CACNA1B: variants seen among roughly 807,000 people sequenced by gnomAD.
CACNA1B encodes voltage-dependent N-type calcium channel subunit alpha-1B.
Under a neutral mutation model 247.2 loss-of-function variants are expected in CACNA1B, and 70 were observed. The ratio of observed to expected loss-of-function variants is 0.28; its 90% CI spans 0.23 to 0.35. The LOEUF is 0.35. Among genes scored for constraint, CACNA1B ranks in the 10% least tolerant of loss-of-function variants. CACNA1B has a pLI of 1.00. For missense variants in CACNA1B, 2,367 were observed against 3,197.4 expected (o/e 0.74, Z 6.26); for synonymous variants, 1,231 against 1,294.4 (o/e 0.95, Z 1.05).
chr9:137,961,539 C>T (rs895843149), intron 10 of CACNA1B, among the ~76,000 whole-genome samples: 2 of 151,972 alleles, frequency 1.3e-5, no homozygotes, highest in East Asian at 3.9e-4. Context: ...GAGGTATGTC[C>T]CTTTAATATC....
At position 137,881,384 on chromosome 9, in the gene CACNA1B, G is replaced by T. The variant is rs780996403; in HGVS notation, c.391-1360G>T. Among the ~76,000 whole-genome samples, 1 of 152,244 alleles carries T rather than the reference G, an allele frequency of 6.6e-6. No individual in the cohort carries two copies. On this transcript the variant is annotated intron_variant, in intron 2 of 46. Coordinates refer to ENST00000371372, the MANE Select transcript of CACNA1B (RefSeq NM_000718.4). This position sits in a 1 kb window ranked among gnomAD's most constrained non-coding sequence, Gnocchi z 4.3. ...GCTGAGTAAGGTGGGAGTCAGATGCGGAGAGCCCTCGAGAGCCTGGCTTCC... is the reference window on the plus strand; with the variant it reads ...GCTGAGTAAGGTGGGAGTCAGATGCTGAGAGCCCTCGAGAGCCTGGCTTCC...
At chr9:138,003,070 A>G (rs1958599783) in intron 15 of CACNA1B, among the ~76,000 whole-genome samples, 1 of 151,650 alleles carries the variant, frequency 6.6e-6, no homozygotes, top group Admixed American at 6.6e-5. Flanking sequence ...TGCTGGGATT[A>G]CAAACGTGAG....
At position 138,077,067 on chromosome 9, in the gene CACNA1B, T is replaced by G. The variant is rs74460685; in HGVS notation, c.4950-1047T>G. Among the ~76,000 whole-genome samples, 364 of 152,284 alleles carry G rather than the reference T, an allele frequency of 2.4e-3. 2 individuals are homozygous for G. Among genetic ancestry groups the G allele is most frequent in the African/African-American group, 8.5e-3 (351 of 41,528 alleles). ...GAAGTCAGCCTTAGTTTTGAGGCCT[T>G]TGGTCTCACAGCTTTCTGTTTCTCC... is the stretch of plus-strand genomic sequence containing the variant. On this transcript the variant is annotated intron_variant, in intron 35 of 46. Transcript: ENST00000371372.
At chr9:137,943,287 A>G (rs1450195201) in intron 6 of CACNA1B, among the ~76,000 whole-genome samples, 1 of 152,194 alleles carries the variant, frequency 6.6e-6, no homozygotes, top group African/African-American at 2.4e-5. Context: ...GTTTCCTGAC[A>G]TAGCTTAGCT....
At chr9:137,935,028 A>G (rs1459573214) in intron 6 of CACNA1B, among the ~76,000 whole-genome samples, 1 of 152,262 alleles carries the variant, frequency 6.6e-6, no homozygotes, top group Non-Finnish European at 1.5e-5. Context: ...TATTAAGCTA[A>G]TCAGAAGGCA....
intron 36 of CACNA1B, among the ~76,000 whole-genome samples, chr9:138,083,413 C>A (rs1348846987): frequency 6.6e-6 from 1 of 151,050 alleles, no homozygotes; most frequent in Non-Finnish European, 1.5e-5. Flanking sequence ...TGAAGTGGTA[C>A]CCTGCCTCCT....
Position 137,893,395 on chromosome 9 carries a change from A to C in CACNA1B, c.530+10512A>C, listed in dbSNP as rs7035197. Among the ~76,000 whole-genome samples the C allele has an allele frequency of 5.9e-3, 887 of 150,730 alleles. 11 individuals carry two copies. Among genetic ancestry groups the C allele is most frequent in the African/African-American group, 0.021 (853 of 41,090 alleles). Reference sequence around the variant, plus strand: ...ACTGGGTGCGGTGGCTCATGCCTGTAATCCCAGCACTTTGGGAGGCTGAGG... The same window carrying C: ...ACTGGGTGCGGTGGCTCATGCCTGTCATCCCAGCACTTTGGGAGGCTGAGG... On this transcript the variant is annotated intron_variant, in intron 3 of 46. Coordinates refer to ENST00000371372, the MANE Select transcript of CACNA1B (RefSeq NM_000718.4).
Position 138,049,972 on chromosome 9 carries a change from G to A in CACNA1B, c.3710+657G>A, listed in dbSNP as rs1286112385. On this transcript the variant is annotated intron_variant, in intron 24 of 46. Transcript: ENST00000371372. ...GAGACAAGGAAGACCCCTAGTGGAC[G>A]ACAGACATGAGGGAGGGTCCACATC... is the stretch of plus-strand genomic sequence containing the variant. 7 of 768,192 alleles carry A rather than the reference G, an allele frequency of 9.1e-6. No individual in the cohort carries two copies. The Admixed American group carries it at 1.6e-4, about 18-fold the overall frequency. The allele number at this position is 768,192 out of a possible 1,614,324, so 47.6% of individuals were successfully genotyped here. A position where few individuals can be genotyped will look rare whatever the true frequency, so the allele number is the denominator to read the frequency against.
At chr9:137,910,516 G>A (rs1010868642) in intron 3 of CACNA1B, among the ~76,000 whole-genome samples, 1 of 152,124 alleles carries the variant, frequency 6.6e-6, no homozygotes, top group Non-Finnish European at 1.5e-5. Flanking sequence ...GTTACATTGT[G>A]ATATATAATG....
rs919615000 is a variant in CACNA1B, at chr9:137,917,809, G to A, written c.966+378G>A. ...GCCCTCTGGGAAGTGTTTTATTCCT[G>A]TTGACTCCTCTCAGGAACCTGTTGC... is the stretch of plus-strand genomic sequence containing the variant. On this transcript the variant is annotated intron_variant, in intron 6 of 46. Transcript: ENST00000371372. This position sits in a 1 kb window ranked among gnomAD's most constrained non-coding sequence, Gnocchi z 5.5. Among the ~76,000 whole-genome samples, 4 of 152,248 alleles carry A rather than the reference G, an allele frequency of 2.6e-5. No homozygotes were observed. Among genetic ancestry groups the A allele is most frequent in the Non-Finnish European group, 5.9e-5 (4 of 68,040 alleles).
At chr9:138,098,253 A>G (rs537129442) in intron 37 of CACNA1B, among the ~76,000 whole-genome samples, 2 of 152,292 alleles carry the variant, frequency 1.3e-5, no homozygotes, top group South Asian at 2.1e-4. Context: ...GCTCAGGCAC[A>G]TTCACACAGG....
chr9:138,091,858 C>T (rs757066603), intron 36 of CACNA1B, among the ~76,000 whole-genome samples: 39 of 152,134 alleles, frequency 2.6e-4, no homozygotes, highest in African/African-American at 8.0e-4. Context: ...TCCTAAGTGT[C>T]GGCTGGTCTG....
chr9:138,047,031 A>G lies in CACNA1B; in HGVS notation c.3541A>G (p.Asn1181Asp). Residue 1181 changes from asparagine to aspartate, a missense_variant and splice_region_variant, in exon 22 of 47, where the codon AAC becomes GAC. By Grantham distance (23) the Asn-to-Asp change is conservative. Around this residue, in one of 12 missense-constraint regions of CACNA1B, gnomAD observed 436 missense variants for 679.5 expected, o/e 0.64. Transcript: ENST00000371372. ...DPVRTDSPRN[N>D]ALKYLDYIFT... ...AGTGCGCACAGACTCGCCCAGGAAC[A>G]ACGTGAGTGGCCCGGATGGCCGGGT... 1.9e-6 allele frequency: 3 copies of G among 1,607,880 alleles called. No homozygotes were observed. Among genetic ancestry groups the G allele is most frequent in the Non-Finnish European group, 2.6e-6 (3 of 1,175,864 alleles).
intron 12 of CACNA1B, among the ~76,000 whole-genome samples, chr9:137,981,368 A>G (rs1958291468): frequency 6.6e-6 from 1 of 151,864 alleles, no homozygotes; most frequent in Non-Finnish European, 1.5e-5. Flanking sequence ...TCCTTGGTTT[A>G]TCTCTCTCCT....
chr9:138,005,582 C>G (rs911692838), intron 15 of CACNA1B, among the ~76,000 whole-genome samples: 10 of 152,164 alleles, frequency 6.6e-5, no homozygotes, highest in Non-Finnish European at 1.5e-4. Flanking sequence ...AATATATTGT[C>G]TATTTCAAAA....
intron 3 of CACNA1B, among the ~76,000 whole-genome samples, chr9:137,896,155 C>T (rs938272572): frequency 2.7e-5 from 4 of 148,380 alleles, no homozygotes; most frequent in Admixed American, 1.4e-4. Flanking sequence ...AGGAGAATGG[C>T]GTGAACCTGG....
At chr9:137,904,110 G>T (rs1373441143) in intron 3 of CACNA1B, among the ~76,000 whole-genome samples, 1 of 152,062 alleles carries the variant, frequency 6.6e-6, no homozygotes. Context: ...TGGGTTTTGT[G>T]CTGCTTTCTG....
intron 10 of CACNA1B, among the ~76,000 whole-genome samples, chr9:137,965,059 C>T (rs1223083828): frequency 1.3e-5 from 2 of 152,222 alleles, no homozygotes; most frequent in African/African-American, 2.4e-5. Context: ...TGGCATCCTG[C>T]CGCATCCTCT....
At chr9:137,884,456 G>A (rs1476839694) in intron 3 of CACNA1B, among the ~76,000 whole-genome samples, 4 of 145,306 alleles carry the variant, frequency 2.8e-5, no homozygotes, top group Non-Finnish European at 6.0e-5. Flanking sequence ...GGAGAGTGTG[G>A]CCTCTCAGAG....
Sources: gnomAD v4.1 joint callset for allele counts (sites outside exome capture counted in the v4.1 genomes callset) on GRCh38, gnomAD v4.1.1 for gene constraint, gnomAD v4.1.1 regional missense constraint, Gnocchi (gnomAD v3.1) non-coding constraint, MANE v1.5 for transcripts, NCBI Gene and HGNC (gene_info 2026-07-23, HGNC 2026-07-21) for gene names.